MYO1E: variants seen among roughly 807,000 people sequenced by gnomAD.
MYO1E encodes unconventional myosin-Ie.
Under a neutral mutation model 151.1 loss-of-function variants are expected in MYO1E, and 68 were observed. That is an observed-to-expected ratio of 0.45 (90% CI 0.37 to 0.55). The LOEUF is 0.55. Ranked by LOEUF, MYO1E falls within the 20% of genes least tolerant of loss-of-function variation. MYO1E has a pLI of 0.00. For missense variants in MYO1E, 1,363 were observed against 1,389.3 expected, an observed-to-expected ratio of 0.98 and a Z score of 0.30; for synonymous variants, 601 against 501.7, an observed-to-expected ratio of 1.20 and a Z score of -2.64.
chr15:59,195,531 A>G lies in MYO1E; in HGVS notation c.1735T>C (p.Cys579Arg). The G allele has an allele frequency of 5.0e-6, 8 of 1,614,120 alleles. No individual in the cohort carries two copies. Among genetic ancestry groups the G allele is most frequent in the Non-Finnish European group, 6.8e-6 (8 of 1,179,982 alleles). ...ATGCAGCGAATGTAGTGGGGCGTACATTTCATCAGGGTGCTCACAAGGTCA... is the reference window on the plus strand; with the variant it reads ...ATGCAGCGAATGTAGTGGGGCGTACGTTTCATCAGGGTGCTCACAAGGTCA... Reference protein sequence around the residue: ...ANDLVSTLMKCTPHYIRCIKP... With the variant: ...ANDLVSTLMKRTPHYIRCIKP... The change falls in exon 17 of 28, where the codon TGT becomes CGT. Residue 579 changes from cysteine (C) to arginine (R), a missense_variant. Cys to Arg is a radical substitution (Grantham distance 180, BLOSUM62 -3). Coordinates refer to ENST00000288235, the MANE Select transcript of MYO1E (RefSeq NM_004998.4).
intron 16 of MYO1E, among the ~76,000 whole-genome samples, chr15:59,197,780 G>A (rs1362330063): frequency 2.0e-5 from 3 of 152,214 alleles, no homozygotes; most frequent in Non-Finnish European, 4.4e-5. Context: ...ACCAGGCTGT[G>A]AATAATTAAT....
chr15:59,247,714 C>T (rs2080138615), intron 4 of MYO1E, among the ~76,000 whole-genome samples: 1 of 152,182 alleles, frequency 6.6e-6, no homozygotes, highest in African/African-American at 2.4e-5. Context: ...TGCTCCAAGG[C>T]CACCACAAAT....
chr15:59,245,430 C>G (rs1312541808), intron 4 of MYO1E, among the ~76,000 whole-genome samples: 2 of 152,214 alleles, frequency 1.3e-5, no homozygotes, highest in Non-Finnish European at 2.9e-5. Context: ...TGAAAACTCT[C>G]TTACTCAATC....
chr15:59,179,136 C>T (rs529261784), intron 18 of MYO1E, among the ~76,000 whole-genome samples: 4 of 152,234 alleles, frequency 2.6e-5, no homozygotes, highest in African/African-American at 9.6e-5. Context: ...TTTCCTTCCT[C>T]GGCGCCTCTG....
chr15:59,325,852 C>T (rs1302342919), intron 1 of MYO1E, among the ~76,000 whole-genome samples: 1 of 152,152 alleles, frequency 6.6e-6, no homozygotes. Flanking sequence ...CAGTGTCTGA[C>T]CTGTCAAATG....
At position 59,350,036 on chromosome 15, in the gene MYO1E, G is replaced by C. The variant is rs1047655888; in HGVS notation, c.3+22462C>G. Among the ~76,000 whole-genome samples the C allele has an allele frequency of 6.6e-6, 1 of 152,190 alleles. No individual in the cohort carries two copies. Among genetic ancestry groups the C allele is most frequent in the Non-Finnish European group, 1.5e-5 (1 of 68,032 alleles). ...CTCAGCCACAACCAGGTTGTGGTGC[G>C]TTACATAGTCCCAATGGTGGTATCT... On this transcript the variant is annotated intron_variant, in intron 1 of 27. Transcript: ENST00000288235. This position sits in a 1 kb window ranked among gnomAD's most constrained non-coding sequence, Gnocchi z 5.0.
intron 18 of MYO1E, 105 bp downstream of exon 18, chr15:59,188,013 G>C (rs1017302094): frequency 6.9e-6 from 6 of 872,200 alleles, no homozygotes; most frequent in Non-Finnish European, 1.2e-5. Context: ...CTGTGAATAC[G>C]TTAAAAGCCA....
chr15:59,265,896 A>G (rs1410844602), intron 2 of MYO1E, among the ~76,000 whole-genome samples: 1 of 151,784 alleles, frequency 6.6e-6, no homozygotes, highest in African/African-American at 2.4e-5. Flanking sequence ...AGGCCTGGGA[A>G]GGCAAGGCTG....
intron 1 of MYO1E, among the ~76,000 whole-genome samples, chr15:59,336,944 T>G (rs1019387259): frequency 1.4e-4 from 22 of 152,176 alleles, no homozygotes; most frequent in African/African-American, 5.3e-4. Flanking sequence ...TATGGCTGCA[T>G]AGTATTCCAC....
intron 1 of MYO1E, among the ~76,000 whole-genome samples, chr15:59,329,983 T>C (rs2080688565): frequency 6.6e-6 from 1 of 152,208 alleles, no homozygotes; most frequent in East Asian, 1.9e-4. Context: ...TTCTTAGAAT[T>C]CAATATTTAT....
chr15:59,195,329 A>C (rs1324823316), intron 17 of MYO1E, 132 bp downstream of exon 17: 1 of 818,574 alleles, frequency 1.2e-6, no homozygotes, highest in East Asian at 2.5e-5. Flanking sequence ...TGTCCTGAAA[A>C]AGTTAAGATG....
intron 1 of MYO1E, among the ~76,000 whole-genome samples, chr15:59,275,976 G>A (rs775613547): frequency 6.6e-6 from 1 of 152,142 alleles, no homozygotes; most frequent in East Asian, 1.9e-4. Flanking sequence ...TTACATGGGC[G>A]GTGTGGTGGG....
chr15:59,138,783 G>T (rs555257948), intron 26 of MYO1E, among the ~76,000 whole-genome samples: 1 of 152,012 alleles, frequency 6.6e-6, no homozygotes, highest in Non-Finnish European at 1.5e-5. Flanking sequence ...ATTCCCCCCA[G>T]ATTACCACCA....
chr15:59,372,858 T>C lies in MYO1E; in HGVS notation c.-358A>G, dbSNP rs2080957374. The C allele has an allele frequency of 2.8e-6, 1 of 353,800 alleles. No individual in the cohort carries two copies. Among genetic ancestry groups the C allele is most frequent in the East Asian group, 5.5e-5 (1 of 18,090 alleles). The allele number at this position is 353,800 out of a possible 1,614,324, so 21.9% of individuals were successfully genotyped here. On this transcript the variant is annotated 5_prime_UTR_variant, in exon 1 of 28. Transcript: ENST00000288235. ...TCTTCGGCCACTTAATCCGTACTCC[T>C]CTGGCTGAGTCTCGGCTCGGGCCGG...
intron 2 of MYO1E, chr15:59,266,786 G>A (rs1431467804): frequency 3.4e-5 from 5 of 146,018 alleles, no homozygotes; most frequent in African/African-American, 7.5e-5. Flanking sequence ...CTCAGCCTGC[G>A]GAGTAGCTGG....
In MYO1E at chr15:59,173,934, T is replaced by A; in HGVS notation, c.2165-19A>T. On this transcript the variant is annotated intron_variant, in intron 20 of 27. Transcript: ENST00000288235. ...TCTGAGGCTACAATTCCCAAGAGGG[T>A]CAAGATGGAAGAAGGATAAGTCAGT... 6.2e-7 allele frequency: 1 copy of A among 1,613,142 alleles called. No homozygotes were observed. Among genetic ancestry groups the A allele is most frequent in the South Asian group, 1.1e-5 (1 of 91,030 alleles).
intron 22 of MYO1E, among the ~76,000 whole-genome samples, chr15:59,166,401 G>A (rs2140313106): frequency 6.6e-6 from 1 of 152,272 alleles, no homozygotes; most frequent in East Asian, 1.9e-4. Context: ...TCTCTGGTTT[G>A]GATCTGCCCT....
intron 1 of MYO1E, among the ~76,000 whole-genome samples, chr15:59,280,684 T>A (rs2080348295): frequency 6.6e-6 from 1 of 152,152 alleles, no homozygotes; most frequent in South Asian, 2.1e-4. Context: ...CTGGCAGTTT[T>A]TTTTTATTTT....
At chr15:59,146,750 CAT>C (rs2079444168) in intron 26 of MYO1E, among the ~76,000 whole-genome samples, 2 of 149,270 alleles carry the variant, frequency 1.3e-5, no homozygotes, top group South Asian at 2.1e-4. Flanking sequence ...ATGTAATATA[CAT>C]ATGTTAATAT....
Sources: allele counts gnomAD v4.1 joint callset (sites outside exome capture counted in the v4.1 genomes callset), GRCh38; gene constraint gnomAD v4.1.1; non-coding constraint Gnocchi (gnomAD v3.1); transcripts MANE v1.5; gene names NCBI Gene and HGNC (gene_info 2026-07-23, HGNC 2026-07-21).